The following CPED1 variants were observed in gnomAD, a reference collection of about 807,000 sequenced individuals.
CPED1 encodes cadherin like and PC-esterase domain containing 1, also known as cadherin-like and PC-esterase domain-containing protein 1.
CPED1 carries 114 observed loss-of-function variants against 128.2 expected under a neutral mutation model. That is an observed-to-expected ratio of 0.89 (90% confidence interval 0.76 to 1.04). The LOEUF (loss-of-function observed/expected upper bound fraction) is 1.04. CPED1 is among the 50% of genes least tolerant of loss of function. The pLI, the probability that CPED1 is intolerant of heterozygous loss-of-function variation, is 0.00. For missense variants in CPED1, 1,211 were observed against 1,207.1 expected, an observed-to-expected ratio of 1.00 and a Z score of -0.05; for synonymous variants, 462 against 426.7, an observed-to-expected ratio of 1.08 and a Z score of -1.02.
At chr7:121,269,979 A>G (rs1792201847) in intron 21 of CPED1, among the ~76,000 whole-genome samples, 1 of 152,082 alleles carries the variant, frequency 6.6e-6, no homozygotes, top group African/African-American at 2.4e-5. Flanking sequence ...TCACATGACG[A>G]GAGTGACATA....
chr7:120,989,588 A>G lies in CPED1; in HGVS notation c.-34A>G. Reference sequence around the variant, plus strand: ...AATAGCTGCTATGACTTTTCCCGCAACGTGGACAGGGGCCAAGTGAAGCTG... The same window carrying G: ...AATAGCTGCTATGACTTTTCCCGCAGCGTGGACAGGGGCCAAGTGAAGCTG... On this transcript the variant is annotated 5_prime_UTR_variant, in exon 2 of 23. Transcript: ENST00000310396. 6.2e-7 allele frequency: 1 copy of G among 1,604,890 alleles called. No individual in the cohort carries two copies. Among genetic ancestry groups the G allele is most frequent in the Non-Finnish European group, 8.5e-7 (1 of 1,176,094 alleles).
chr7:121,164,060 T>C (rs1313639810), intron 16 of CPED1, among the ~76,000 whole-genome samples: 1 of 152,224 alleles, frequency 6.6e-6, no homozygotes, highest in Admixed American at 6.5e-5. Flanking sequence ...CTTCCACTAT[T>C]TGTGTGTTTG....
chr7:121,240,424 C>T (rs1798362795), intron 17 of CPED1, among the ~76,000 whole-genome samples: 1 of 152,172 alleles, frequency 6.6e-6, no homozygotes, highest in African/African-American at 2.4e-5. Flanking sequence ...AGCAGAAACA[C>T]ATTTATGCCC....
At chr7:121,152,610 G>A (rs1796183898) in intron 16 of CPED1, among the ~76,000 whole-genome samples, 1 of 152,102 alleles carries the variant, frequency 6.6e-6, no homozygotes, top group Admixed American at 6.6e-5. Flanking sequence ...GAAGATCTTG[G>A]AACAGTGCCT....
intron 17 of CPED1, among the ~76,000 whole-genome samples, chr7:121,241,672 C>T (rs929931307): frequency 3.3e-5 from 5 of 152,100 alleles, no homozygotes; most frequent in African/African-American, 9.7e-5. Flanking sequence ...TCCCTAAAGG[C>T]CTGTTCACAT....
chr7:121,261,814 GCTAT>G, intron 18 of CPED1: 18 of 1,299,324 alleles, frequency 1.4e-5, no homozygotes, highest in Non-Finnish European at 1.8e-5. Context: ...AGTTTTTTGG[GCTAT>G]CTGTTACAGT....
chr7:121,078,516 AAAAAAAAAAG>A, intron 5 of CPED1, among the ~76,000 whole-genome samples: 1 of 151,448 alleles, frequency 6.6e-6, no homozygotes, highest in African/African-American at 2.4e-5. Flanking sequence ...AAAAAAAAAA[AAAAAAAAAAG>A]ACTTCTATTA....
chr7:121,065,202 C>T (rs2116057661), intron 5 of CPED1, among the ~76,000 whole-genome samples: 1 of 152,216 alleles, frequency 6.6e-6, no homozygotes, highest in South Asian at 2.1e-4. Flanking sequence ...AAGTCATCGA[C>T]TGATATTTAC....
At chr7:121,199,697 A>AAAAGAAAGAAAG (rs71170232) in intron 16 of CPED1, among the ~76,000 whole-genome samples, 721 of 41,594 alleles carry the variant, frequency 0.017, 10 homozygotes, top group African/African-American at 0.029. Context: ...AAAAAAAAAA[A>AAAAGAAAGAAAG]AAAGAAAGAA....
chr7:121,222,675 C>A (rs111994336), intron 16 of CPED1, among the ~76,000 whole-genome samples: 8 of 152,216 alleles, frequency 5.3e-5, no homozygotes, highest in African/African-American at 1.9e-4. Context: ...CCTTCACATC[C>A]CTCCTAAGTT....
chr7:121,162,137 T>A (rs1329906022), intron 16 of CPED1, among the ~76,000 whole-genome samples: 1 of 152,182 alleles, frequency 6.6e-6, no homozygotes, highest in African/African-American at 2.4e-5. Flanking sequence ...CAGACATGGC[T>A]AATATAAATG....
chr7:121,159,838 G>T (rs1331115106), intron 16 of CPED1, among the ~76,000 whole-genome samples: 1 of 152,070 alleles, frequency 6.6e-6, no homozygotes, highest in African/African-American at 2.4e-5. Flanking sequence ...ACAATGCCTG[G>T]AAAGTTCTTA....
rs182996043 is a variant in CPED1, at chr7:121,011,812, C to T, written c.250-3853C>T. ...TATATCAGGTATATGGAATCATACACATTATTGCAAAAATGCTTTTTAGGA... is the reference window on the plus strand; with the variant it reads ...TATATCAGGTATATGGAATCATACATATTATTGCAAAAATGCTTTTTAGGA... On this transcript the variant is annotated intron_variant, in intron 2 of 22. Transcript: ENST00000310396. Among the ~76,000 whole-genome samples, 75 of 152,216 alleles carry T rather than the reference C, an allele frequency of 4.9e-4. 1 individual carries two copies. The Middle Eastern group carries it at 0.017, about 35-fold the overall frequency.
At chr7:121,013,744 A>T (rs1728113933) in intron 2 of CPED1, among the ~76,000 whole-genome samples, 1 of 152,178 alleles carries the variant, frequency 6.6e-6, no homozygotes. Context: ...CTGTCTATGA[A>T]TTTTCAGCTA....
intron 16 of CPED1, among the ~76,000 whole-genome samples, chr7:121,192,579 T>C (rs1797168089): frequency 6.6e-6 from 1 of 151,948 alleles, no homozygotes. Context: ...ACCCGACACA[T>C]AGCTTAATAT....
At chr7:120,999,535 T>C (rs1791768290) in intron 2 of CPED1, among the ~76,000 whole-genome samples, 1 of 152,192 alleles carries the variant, frequency 6.6e-6, no homozygotes, top group Non-Finnish European at 1.5e-5. Context: ...AGATTGATCC[T>C]ACCTAAAATT....
intron 22 of CPED1, among the ~76,000 whole-genome samples, chr7:121,295,175 A>ACACACACACACACACACACACACAC (rs1562865931): frequency 1.3e-5 from 2 of 151,706 alleles, no homozygotes; most frequent in African/African-American, 4.8e-5. Context: ...ACACACACAC[A>ACACACACACACACACACACACACAC]AAGACTAGAA....
intron 16 of CPED1, among the ~76,000 whole-genome samples, chr7:121,191,391 C>T (rs568773127): frequency 2.0e-5 from 3 of 152,144 alleles, no homozygotes; most frequent in South Asian, 2.1e-4. Context: ...GAGATGATTT[C>T]GAAGGACCAG....
chr7:121,145,443 T>A (rs758350121), intron 16 of CPED1, among the ~76,000 whole-genome samples: 4 of 152,102 alleles, frequency 2.6e-5, no homozygotes, highest in Non-Finnish European at 5.9e-5. Context: ...TTACAGTTTA[T>A]GTGTGGTCCC....
Sources: allele counts gnomAD v4.1 joint callset (sites outside exome capture counted in the v4.1 genomes callset), GRCh38; gene constraint gnomAD v4.1.1; transcripts MANE v1.5; gene names NCBI Gene and HGNC (gene_info 2026-07-23, HGNC 2026-07-21).